The following FHIT variants were observed in gnomAD, a reference collection of about 807,000 sequenced individuals.
FHIT encodes bis(5'-adenosyl)-triphosphatase.
A neutral mutation model predicts 17.9 loss-of-function variants in FHIT; 19 were observed. The ratio of observed to expected loss-of-function variants is 1.06; its 90% CI spans 0.74 to 1.56. The LOEUF (loss-of-function observed/expected upper bound fraction) is 1.56. FHIT is among the 40% of genes most tolerant of loss of function. The pLI, the probability that FHIT is intolerant of heterozygous loss-of-function variation, is 0.00. For missense variants in FHIT, 248 were observed against 189.2 expected (o/e 1.31, Z -1.82); for synonymous variants, 81 against 69.7 (o/e 1.16, Z -0.81).
At chr3:59,930,524 G>C (rs995938332) in intron 7 of FHIT, among the ~76,000 whole-genome samples, 1 of 152,202 alleles carries the variant, frequency 6.6e-6, no homozygotes, top group African/African-American at 2.4e-5. Context: ...TATGGCCAAG[G>C]AGCAGCTCAT....
rs563018764 is a variant in FHIT, at chr3:60,780,880, C to T, written c.-18+41039G>A. Among the ~76,000 whole-genome samples the T allele has an allele frequency of 2.0e-5, 3 of 152,270 alleles. No homozygotes were observed. In the East Asian group the frequency reaches 5.8e-4, roughly 29 times the overall value. ...GGTCCCTCCTTTTCCTGTGTGGAAC[C>T]TGGAATTCAAGCTGTGGGCAGGAAG... On this transcript the variant is annotated intron_variant, in intron 4 of 9. Coordinates refer to ENST00000492590, the MANE Select transcript of FHIT (RefSeq NM_002012.4).
intron 4 of FHIT, among the ~76,000 whole-genome samples, chr3:60,641,800 C>A (rs1337044179): frequency 6.6e-6 from 1 of 152,128 alleles, no homozygotes; most frequent in East Asian, 1.9e-4. Context: ...CCTGACAGGA[C>A]ACAGATGTCA....
At chr3:60,465,753 CTG>C (rs959554141) in intron 5 of FHIT, among the ~76,000 whole-genome samples, 79 of 152,124 alleles carry the variant, frequency 5.2e-4, no homozygotes, top group African/African-American at 1.8e-3. Flanking sequence ...GTCTATGTGT[CTG>C]TTTTTATGCC....
chr3:59,986,689 G>T (rs1167328837), intron 7 of FHIT, among the ~76,000 whole-genome samples: 10 of 8,502 alleles, frequency 1.2e-3, no homozygotes, highest in South Asian at 6.2e-3. Context: ...TACATATTTA[G>T]TTTTATATAT....
chr3:60,460,073 C>T (rs12638610), intron 5 of FHIT, among the ~76,000 whole-genome samples: 16,873 of 152,168 alleles, frequency 0.11, 1,432 homozygotes, highest in East Asian at 0.38. Context: ...CTCTCCACAA[C>T]CCTCTTTTCA....
At chr3:60,319,837 G>A (rs1403227680) in intron 5 of FHIT, among the ~76,000 whole-genome samples, 2 of 152,128 alleles carry the variant, frequency 1.3e-5, no homozygotes, top group Admixed American at 6.6e-5. Context: ...ATGGACTCCT[G>A]GTTCTGAGGG....
chr3:59,869,484 C>CT lies in FHIT; in HGVS notation c.348+52861dup, dbSNP rs59589849. On this transcript the variant is annotated intron_variant, in intron 8 of 9. Transcript: ENST00000492590. ...ATTCCATCTTTCCTTAAAGAACATC[C>CT]TTTTTTTTTTTTTTTTAGACAGAGT... Among the ~76,000 whole-genome samples, 165 of 105,456 alleles carry CT rather than the reference C, an allele frequency of 1.6e-3. 6 individuals are homozygous for CT. The highest frequency in any genetic ancestry group is 0.011 in the Middle Eastern group (2 of 178). The allele number at this position is 105,456 out of a possible 152,430, so 69.2% of individuals were successfully genotyped here. A position where few individuals can be genotyped will look rare whatever the true frequency, so the allele number is the denominator to read the frequency against.
chr3:60,395,775 G>C (rs1701414608), intron 5 of FHIT, among the ~76,000 whole-genome samples: 1 of 152,116 alleles, frequency 6.6e-6, no homozygotes, highest in South Asian at 2.1e-4. Context: ...CATTTGCTTG[G>C]CATCACCAAA....
intron 5 of FHIT, among the ~76,000 whole-genome samples, chr3:60,073,345 C>A (rs116320406): frequency 0.01 from 1,554 of 152,080 alleles, 14 homozygotes; most frequent in Non-Finnish European, 0.016. Context: ...ACTCACCTTG[C>A]CTTATCATCT....
chr3:59,824,728 C>T (rs552655545), intron 8 of FHIT, among the ~76,000 whole-genome samples: 1 of 152,254 alleles, frequency 6.6e-6, no homozygotes, highest in East Asian at 1.9e-4. Flanking sequence ...GTGAGTACAT[C>T]AATATTACAA....
intron 8 of FHIT, among the ~76,000 whole-genome samples, chr3:59,883,588 T>C (rs1404887448): frequency 1.3e-5 from 2 of 152,218 alleles, no homozygotes; most frequent in African/African-American, 4.8e-5. Context: ...ATGAGAATCA[T>C]GGGAGCTACT....
intron 2 of FHIT, among the ~76,000 whole-genome samples, chr3:61,132,386 C>T (rs1369046204): frequency 6.6e-6 from 1 of 152,178 alleles, no homozygotes; most frequent in East Asian, 1.9e-4. Flanking sequence ...TTACTGAACA[C>T]CTGCTGTATT....
chr3:60,139,912 A>G (rs1699968011), intron 5 of FHIT, among the ~76,000 whole-genome samples: 2 of 152,062 alleles, frequency 1.3e-5, no homozygotes. Context: ...TCATGAGGTC[A>G]GGAGTTCACG....
chr3:61,070,164 G>C (rs1470124367), intron 2 of FHIT, among the ~76,000 whole-genome samples: 1 of 152,184 alleles, frequency 6.6e-6, no homozygotes, highest in African/African-American at 2.4e-5. Context: ...AAAGTGCTGA[G>C]ATTACAGGCA....
At chr3:60,910,707 C>T (rs149671340) in intron 3 of FHIT, among the ~76,000 whole-genome samples, 5 of 152,234 alleles carry the variant, frequency 3.3e-5, no homozygotes, top group East Asian at 1.9e-4. Context: ...CCACCATGCC[C>T]GGCCCAGGTC....
intron 3 of FHIT, among the ~76,000 whole-genome samples, chr3:60,911,726 A>G (rs1706755092): frequency 6.6e-6 from 1 of 152,142 alleles, no homozygotes; most frequent in Admixed American, 6.5e-5. Context: ...ATGGTTTTTA[A>G]AAGAAGTATT....
intron 4 of FHIT, among the ~76,000 whole-genome samples, chr3:60,713,026 A>G (rs2041581646): frequency 6.6e-6 from 1 of 152,028 alleles, no homozygotes; most frequent in African/African-American, 2.4e-5. Context: ...CATAGTTGGA[A>G]GTAAAGCTCT....
intron 5 of FHIT, among the ~76,000 whole-genome samples, chr3:60,264,204 G>C (rs985735916): frequency 6.6e-6 from 1 of 151,988 alleles, no homozygotes; most frequent in South Asian, 2.1e-4. Context: ...TGTTCTCTGA[G>C]GACCACTCTG....
In FHIT at chr3:59,932,669, CT is replaced by C. The variant is rs3836263; in HGVS notation, c.280-10256del. Among the ~76,000 whole-genome samples the C allele has an allele frequency of 2.8e-3, 429 of 151,404 alleles. 5 individuals carry two copies. The highest frequency in any genetic ancestry group is 8.6e-3 in the African/African-American group (357 of 41,276). On this transcript the variant is annotated intron_variant, in intron 7 of 9. Coordinates refer to ENST00000492590, the MANE Select transcript of FHIT (RefSeq NM_002012.4). ...AAACAGGTGTTGAGAGAACTCCTCC[CT>C]TTTTTTTTAAATCCTACTGCAATAA... is the stretch of plus-strand genomic sequence containing the variant.
Sources: allele counts gnomAD v4.1 joint callset (sites outside exome capture counted in the v4.1 genomes callset), GRCh38; gene constraint gnomAD v4.1.1; transcripts MANE v1.5; gene names NCBI Gene and HGNC (gene_info 2026-07-23, HGNC 2026-07-21).